Variants in USH1C observed in about 807,000 individuals in gnomAD.
The protein encoded by USH1C is harmonin.
A neutral mutation model predicts 119.3 loss-of-function variants in USH1C; 90 were observed. The ratio of observed to expected loss-of-function variants is 0.75; its 90% CI spans 0.64 to 0.90. The LOEUF is 0.90. Among genes scored for constraint, USH1C ranks in the 40% least tolerant of loss-of-function variants. The pLI, the probability that USH1C is intolerant of heterozygous loss-of-function variation, is 0.00. For missense variants in USH1C, 1,165 were observed against 1,167.7 expected (o/e 1.00, Z 0.03); for synonymous variants, 465 against 443.3 (o/e 1.05, Z -0.62).
At chr11:17,499,210 C>CT (rs1849349365) in intron 23 of USH1C, among the ~76,000 whole-genome samples, 1 of 152,218 alleles carries the variant, frequency 6.6e-6, no homozygotes, top group African/African-American at 2.4e-5. Flanking sequence ...CCACAGAACA[C>CT]TCTCCAGGTT....
rs1003908291 is a variant in USH1C, at chr11:17,542,123, A to G, written c.36+2149T>C. Among the ~76,000 whole-genome samples the G allele has an allele frequency of 5.3e-5, 8 of 152,366 alleles. No individual in the cohort carries two copies. In the East Asian group the frequency reaches 1.3e-3, roughly 26 times the overall value. ...TTAAATATTGTTATCTCTTTTCACA[A>G]GTAAGAGCACTGAGGCACAGAGAGA... On this transcript the variant is annotated intron_variant, in intron 1 of 26. Transcript: ENST00000005226.
chr11:17,515,582 GTCCAA>G lies in USH1C; in HGVS notation c.1260+654_1260+658del, dbSNP rs572851796. Reference sequence around the variant, plus strand: ...CTCCAAATACCAAGTCATCTCGAATGTCCAATTATAGATATTAACAGCAATGTTTT... The same window carrying G: ...CTCCAAATACCAAGTCATCTCGAATGTTATAGATATTAACAGCAATGTTTT... On this transcript the variant is annotated intron_variant, in intron 15 of 26. Coordinates refer to ENST00000005226, the MANE Select transcript of USH1C (RefSeq NM_153676.4). Among the ~76,000 whole-genome samples the G allele has an allele frequency of 2.0e-4, 30 of 152,290 alleles. 1 individual carries two copies. The South Asian group carries it at 5.4e-3, about 27-fold the overall frequency.
intron 23 of USH1C, among the ~76,000 whole-genome samples, chr11:17,498,969 T>C (rs774250513): frequency 4.3e-4 from 65 of 152,330 alleles, no homozygotes; most frequent in Non-Finnish European, 7.5e-4. Context: ...TAGATATTTG[T>C]TGAATAAATG....
Position 17,523,255 on chromosome 11 carries a change from G to A in USH1C, c.832C>T (p.Leu278=), listed in dbSNP as rs1402634026. The change falls in exon 11 of 27, where the codon CTG becomes TTG. Residue 278 remains leucine, a synonymous_variant. Coordinates refer to ENST00000005226, the MANE Select transcript of USH1C (RefSeq NM_153676.4). ...ATGGTCAGGCTGCGGCTACTCTTCA[G>A]CACATTTACAGCCTGTGGGGACAGA... ...NLDHKEAVNV[L]KSSRSLTISI... 6.2e-7 allele frequency: 1 copy of A among 1,614,178 alleles called. No homozygotes were observed. The highest frequency in any genetic ancestry group is 8.5e-7 in the Non-Finnish European group (1 of 1,180,018).
chr11:17,506,064 G>A, intron 18 of USH1C, 115 bp from the exon 19 acceptor site: 1 of 1,498,566 alleles, frequency 6.7e-7, no homozygotes. Context: ...AAGCCAGCCT[G>A]GTCATTCAAC....
chr11:17,500,676 T>C (rs1281203082), intron 23 of USH1C, among the ~76,000 whole-genome samples: 1 of 152,190 alleles, frequency 6.6e-6, no homozygotes, highest in Non-Finnish European at 1.5e-5. Context: ...GGAGCACTCC[T>C]GGCCTCCCAT....
In USH1C at chr11:17,521,427, A is replaced by C. The variant is rs775913363; in HGVS notation, c.1020-16T>G. 5 of 1,613,826 alleles carry C rather than the reference A, an allele frequency of 3.1e-6. No individual in the cohort carries two copies. The highest frequency in any genetic ancestry group is 2.5e-6 in the Non-Finnish European group (3 of 1,179,676). On this transcript the variant is annotated splice_polypyrimidine_tract_variant and intron_variant, in intron 12 of 26. Transcript: ENST00000005226. Reference sequence around the variant, plus strand: ...TTTTCTCCTTCTGAAACACAAATGCAGATTGGCATGTTTGGCCCTATGCAA... The same window carrying C: ...TTTTCTCCTTCTGAAACACAAATGCCGATTGGCATGTTTGGCCCTATGCAA...
chr11:17,510,342 T>C, intron 17 of USH1C, 63 bp downstream of exon 17: 1 of 1,392,600 alleles, frequency 7.2e-7, no homozygotes, highest in East Asian at 2.3e-5. Context: ...CCTCCCGCTG[T>C]CCCCACAGTG....
chr11:17,498,997 T>C (rs1307081037), intron 23 of USH1C, among the ~76,000 whole-genome samples: 9 of 152,202 alleles, frequency 5.9e-5, no homozygotes, highest in Admixed American at 5.9e-4. Context: ...AATAAGGTGC[T>C]CCTGAAAGAG....
intron 8 of USH1C, among the ~76,000 whole-genome samples, chr11:17,524,756 G>C (rs1015233660): frequency 6.6e-6 from 1 of 152,176 alleles, no homozygotes; most frequent in Non-Finnish European, 1.5e-5. Flanking sequence ...TACCTCATAT[G>C]CTGTTTCTTC....
intron 14 of USH1C, chr11:17,517,390 G>T: frequency 1.3e-6 from 2 of 1,573,362 alleles, no homozygotes; most frequent in East Asian, 2.3e-5. Flanking sequence ...GAGCAAAGCG[G>T]GGACGCGAAC....
chr11:17,523,037 C>T lies in USH1C; in HGVS notation c.877-111G>A, dbSNP rs540610167. ...GTCTTCTCAGCACCATCAGGCACTG[C>T]GGCTCCCGCAATCCCTGACCCAAAC... On this transcript the variant is annotated intron_variant, in intron 11 of 26. Transcript: ENST00000005226. The T allele has an allele frequency of 1.4e-5, 22 of 1,581,388 alleles. No individual in the cohort carries two copies. The South Asian group carries it at 1.4e-4, about 10-fold the overall frequency.
intron 15 of USH1C, among the ~76,000 whole-genome samples, chr11:17,513,967 C>T (rs1473650504): frequency 6.6e-6 from 1 of 152,220 alleles, no homozygotes; most frequent in Admixed American, 6.5e-5. Context: ...ATGGCATTTC[C>T]CACTGATCTC....
Position 17,501,097 on chromosome 11 carries a change from C to T in USH1C, c.2334G>A (p.Lys778=), listed in dbSNP as rs1326150281. Residue 778 remains lysine, a synonymous_variant, in exon 23 of 27, where the codon AAG becomes AAA. Coordinates refer to ENST00000005226, the MANE Select transcript of USH1C (RefSeq NM_153676.4). ...GCTCATACACAGCAGAAACGACCAC[C>T]TTCCCAATGGGGGAGTCCACACCGC... ...LEGGVDSPIG[K]VVVSAVYERG... 2 of 1,614,128 alleles carry T rather than the reference C, an allele frequency of 1.2e-6. No individual in the cohort carries two copies. The highest frequency in any genetic ancestry group is 2.2e-5 in the South Asian group (2 of 91,070).
intron 1 of USH1C, 122 bp downstream of exon 1, chr11:17,544,150 G>A: frequency 1.5e-6 from 2 of 1,358,392 alleles, no homozygotes; most frequent in Non-Finnish European, 2.1e-6. Flanking sequence ...GGGTGTCCCA[G>A]CCCAACCAGA....
At position 17,509,602 on chromosome 11, in the gene USH1C, G is replaced by A. The variant is rs770217616; in HGVS notation, c.1767C>T (p.Ser589=). 3.3e-5 allele frequency: 52 copies of A among 1,597,854 alleles called. No homozygotes were observed. The highest frequency in any genetic ancestry group is 6.9e-5 in the Admixed American group (4 of 58,358). ...PPVLPLSGHV[S]ASSSPWVQRT... ...GCTGCACCCATGGAGAGGATGAGGC[G>A]CTCACATGGCCAGATAAGGGAAGGA... is the stretch of plus-strand genomic sequence containing the variant. Residue 589 remains serine (S), a synonymous_variant, in exon 18 of 27, where the codon AGC becomes AGT. Transcript: ENST00000005226.
chr11:17,516,157 T>C, intron 15 of USH1C, 84 bp downstream of exon 15: 1 of 1,464,602 alleles, frequency 6.8e-7, no homozygotes, highest in Admixed American at 1.8e-5. Flanking sequence ...CATTTAGTGT[T>C]GATAGGACAA....
At chr11:17,517,058 C>T (rs1212132535) in intron 14 of USH1C, among the ~76,000 whole-genome samples, 1 of 152,170 alleles carries the variant, frequency 6.6e-6, no homozygotes, top group African/African-American at 2.4e-5. Flanking sequence ...TCCTGCTGGA[C>T]CAGACACTAC....
intron 4 of USH1C, among the ~76,000 whole-genome samples, chr11:17,530,721 C>T (rs763595230): frequency 2.9e-4 from 44 of 152,238 alleles, no homozygotes; most frequent in Non-Finnish European, 7.3e-5. Flanking sequence ...GCCTAATGAA[C>T]AGCAAAGCCA....
Sources: gnomAD v4.1 joint callset for allele counts (sites outside exome capture counted in the v4.1 genomes callset) on GRCh38, gnomAD v4.1.1 for gene constraint, MANE v1.5 for transcripts, NCBI Gene and HGNC (gene_info 2026-07-23, HGNC 2026-07-21) for gene names.